The following MED12L variants were observed in gnomAD, a reference collection of about 807,000 sequenced individuals.
MED12L encodes the protein mediator of RNA polymerase II transcription subunit 12-like protein.
Under a neutral mutation model 281.3 loss-of-function variants are expected in MED12L, and 60 were observed. That is an observed-to-expected ratio of 0.21 (90% confidence interval 0.17 to 0.26). The LOEUF is 0.26. Among genes scored for constraint, MED12L ranks in the 10% least tolerant of loss-of-function variants. The pLI, the probability that MED12L is intolerant of heterozygous loss-of-function variation, is 1.00. For synonymous variants in MED12L, 974 were observed against 987.2 expected, an observed-to-expected ratio of 0.99 and a Z score of 0.25; for missense variants, 2,146 against 2,680.9, an observed-to-expected ratio of 0.80 and a Z score of 4.41.
At chr3:151,356,342 T>C (rs1753919986) in intron 19 of MED12L, among the ~76,000 whole-genome samples, 1 of 152,088 alleles carries the variant, frequency 6.6e-6, no homozygotes, top group South Asian at 2.1e-4. Flanking sequence ...CAATAAGCCA[T>C]GATCATACAA....
At chr3:151,110,669 T>G (rs1184336203) in intron 2 of MED12L, among the ~76,000 whole-genome samples, 1 of 152,240 alleles carries the variant, frequency 6.6e-6, no homozygotes, top group Non-Finnish European at 1.5e-5. Flanking sequence ...AGCTTCTTTT[T>G]TGGCTCTGTG....
At chr3:151,338,543 G>T in intron 16 of MED12L, 1 of 1,613,860 alleles carries the variant, frequency 6.2e-7, no homozygotes, top group Non-Finnish European at 8.5e-7. Context: ...AAAATATGAC[G>T]GAGGTAACTT....
chr3:151,154,994 A>T (rs1719077768), intron 5 of MED12L, among the ~76,000 whole-genome samples: 1 of 152,218 alleles, frequency 6.6e-6, no homozygotes, highest in Non-Finnish European at 1.5e-5. Flanking sequence ...TTTAAATAAG[A>T]CACAATTAAA....
intron 16 of MED12L, among the ~76,000 whole-genome samples, chr3:151,333,752 C>G (rs1327820029): frequency 6.6e-6 from 1 of 151,930 alleles, no homozygotes; most frequent in Non-Finnish European, 1.5e-5. Flanking sequence ...AATAGTTTTC[C>G]AGAAAGATTG....
At chr3:151,239,900 A>C (rs538765800) in intron 16 of MED12L, among the ~76,000 whole-genome samples, 2 of 152,350 alleles carry the variant, frequency 1.3e-5, no homozygotes, top group African/African-American at 4.8e-5. Context: ...AAAATATATG[A>C]AACTTCCCAA....
chr3:151,129,104 C>T (rs1290523238), intron 5 of MED12L, among the ~76,000 whole-genome samples: 1 of 152,148 alleles, frequency 6.6e-6, no homozygotes, highest in Non-Finnish European at 1.5e-5. Context: ...ATGAAAACAG[C>T]TTATGGTTTT....
intron 16 of MED12L, among the ~76,000 whole-genome samples, chr3:151,284,591 T>A (rs1255652119): frequency 6.6e-6 from 1 of 152,140 alleles, no homozygotes; most frequent in African/African-American, 2.4e-5. Context: ...CCAAATTTTT[T>A]ATGTATGTTT....
At chr3:151,146,135 A>G (rs754879102) in intron 5 of MED12L, among the ~76,000 whole-genome samples, 59 of 152,208 alleles carry the variant, frequency 3.9e-4, no homozygotes, top group Non-Finnish European at 6.6e-4. Context: ...ACCCGACTCC[A>G]GACCTCTGGA....
intron 40 of MED12L, 29 bp from the exon 41 acceptor site, chr3:151,411,249 T>A: frequency 1.3e-6 from 2 of 1,598,132 alleles, no homozygotes; most frequent in Non-Finnish European, 1.7e-6. Flanking sequence ...AGTTGAAACA[T>A]TGACTTCTTC....
chr3:151,098,406 C>G (rs1720996283), intron 2 of MED12L, among the ~76,000 whole-genome samples: 1 of 152,208 alleles, frequency 6.6e-6, no homozygotes, highest in African/African-American at 2.4e-5. Flanking sequence ...CGCTCATTCC[C>G]TCACAGTTCT....
At chr3:151,247,962 C>CTTTTTTTTTTTTTTTTTT (rs61102632) in intron 16 of MED12L, among the ~76,000 whole-genome samples, 33 of 75,894 alleles carry the variant, frequency 4.3e-4, no homozygotes, top group Non-Finnish European at 5.2e-4. Context: ...TCTTCTTCTT[C>CTTTTTTTTTTTTTTTTTT]TTTTTTTTTT....
intron 10 of MED12L, 51 bp downstream of exon 10, chr3:151,165,570 T>G: frequency 6.8e-7 from 1 of 1,477,662 alleles, no homozygotes; most frequent in Non-Finnish European, 9.4e-7. Flanking sequence ...GACTTTATGC[T>G]GTGTTTTTGC....
chr3:151,094,207 T>G (rs371275464), intron 2 of MED12L, among the ~76,000 whole-genome samples: 33 of 152,308 alleles, frequency 2.2e-4, no homozygotes, highest in African/African-American at 7.5e-4. Context: ...TAAGTGAAAC[T>G]TGCAAACTAC....
chr3:151,368,236 T>C lies in MED12L; in HGVS notation c.3535T>C (p.Leu1179=). Residue 1179 remains leucine, a synonymous_variant, in exon 25 of 45, where the codon TTA becomes CTA. Coordinates refer to ENST00000687756, the MANE Select transcript of MED12L (RefSeq NM_001393769.1). ...CTTCCGAGCTCCCCAGGCCTGCTTCTTACCTCAAGCAACGGGTGAGCTGAC... is the reference window on the plus strand; with the variant it reads ...CTTCCGAGCTCCCCAGGCCTGCTTCCTACCTCAAGCAACGGGTGAGCTGAC... ...HLFRAPQACF[L]PQATGKPFPG... 1 of 1,614,008 alleles carries C rather than the reference T, an allele frequency of 6.2e-7. No individual in the cohort carries two copies. The highest frequency in any genetic ancestry group is 1.7e-5 in the Admixed American group (1 of 60,006).
intron 16 of MED12L, among the ~76,000 whole-genome samples, chr3:151,345,517 C>CTTTTTTTTTTTTTTTTTTTT (rs201731496): frequency 3.0e-5 from 4 of 131,654 alleles, no homozygotes; most frequent in Non-Finnish European, 4.9e-5. Flanking sequence ...TTTTCTTTTT[C>CTTTTTTTTTTTTTTTTTTTT]TTTTTTTTTT....
intron 2 of MED12L, among the ~76,000 whole-genome samples, chr3:151,100,711 C>T (rs554129000): frequency 6.6e-6 from 1 of 152,086 alleles, no homozygotes; most frequent in Non-Finnish European, 1.5e-5. Flanking sequence ...ATGTAAACTC[C>T]CTCTTGAAAA....
At chr3:151,246,252 C>G (rs1459040877) in intron 16 of MED12L, among the ~76,000 whole-genome samples, 2 of 152,110 alleles carry the variant, frequency 1.3e-5, no homozygotes, top group South Asian at 2.1e-4. Flanking sequence ...CCTTTCTTCA[C>G]AGAATTGGAA....
chr3:151,178,954 C>A (rs1331081283), intron 11 of MED12L, among the ~76,000 whole-genome samples: 2 of 152,168 alleles, frequency 1.3e-5, no homozygotes, highest in African/African-American at 4.8e-5. Flanking sequence ...TTAAGACTTT[C>A]AATTTTTTAT....
intron 14 of MED12L, among the ~76,000 whole-genome samples, chr3:151,191,937 A>T (rs1724040983): frequency 6.6e-6 from 1 of 152,058 alleles, no homozygotes; most frequent in Non-Finnish European, 1.5e-5. Flanking sequence ...AAAACACCTC[A>T]CAGTTTAGGC....
Sources: gnomAD v4.1 joint callset for allele counts (sites outside exome capture counted in the v4.1 genomes callset) on GRCh38, gnomAD v4.1.1 for gene constraint, MANE v1.5 for transcripts, NCBI Gene and HGNC (gene_info 2026-07-23, HGNC 2026-07-21) for gene names.